Variants in MRTFB observed in about 807,000 individuals in gnomAD.
MRTFB encodes the protein myocardin related transcription factor B, also known as myocardin-related transcription factor B.
Under a neutral mutation model 104.2 loss-of-function variants are expected in MRTFB, and 29 were observed. The ratio of observed to expected loss-of-function variants is 0.28; its 90% CI spans 0.21 to 0.38. The LOEUF is 0.38. Ranked by LOEUF, MRTFB falls within the 10% of genes least tolerant of loss-of-function variation. The probability of loss-of-function intolerance (pLI) is 1.00; values close to 1 mark genes in which losing one functional copy is unlikely to be tolerated. For synonymous variants in MRTFB, 535 were observed against 519.5 expected, an observed-to-expected ratio of 1.03 and a Z score of -0.41; for missense variants, 1,270 against 1,341.6, an observed-to-expected ratio of 0.95 and a Z score of 0.83.
intron 8 of MRTFB, among the ~76,000 whole-genome samples, chr16:14,226,863 T>A (rs2042025429): frequency 6.6e-6 from 1 of 151,946 alleles, no homozygotes; most frequent in Admixed American, 6.6e-5. Flanking sequence ...GCACCTATAG[T>A]CCTAGCTACT....
the MRTFB span, among the ~76,000 whole-genome samples, chr16:14,023,810 G>A: frequency 6.6e-6 from 1 of 152,088 alleles, no homozygotes; most frequent in Non-Finnish European, 1.5e-5. Context: ...CAACACTTTG[G>A]GAGGCTGAGG....
At chr16:14,162,694 G>A (rs913365403) in intron 3 of MRTFB, among the ~76,000 whole-genome samples, 1 of 152,136 alleles carries the variant, frequency 6.6e-6, no homozygotes, top group African/African-American at 2.4e-5. Flanking sequence ...CTACTCTGTG[G>A]CGTTAGAAAT....
At chr16:14,153,001 C>A (rs1360449237) in intron 3 of MRTFB, 1 of 152,024 alleles carries the variant, frequency 6.6e-6, no homozygotes, top group Non-Finnish European at 1.5e-5. Flanking sequence ...TGCTTTCAAC[C>A]AAGCTTCACA....
the MRTFB span, among the ~76,000 whole-genome samples, chr16:14,058,238 A>T: frequency 6.6e-6 from 1 of 152,178 alleles, no homozygotes; most frequent in Non-Finnish European, 1.5e-5. Context: ...GAATTCCAAG[A>T]ACACTATCCG....
chr16:14,101,062 G>A (rs933735530), intron 2 of MRTFB, among the ~76,000 whole-genome samples: 1 of 146,280 alleles, frequency 6.8e-6, no homozygotes, highest in African/African-American at 2.5e-5. Flanking sequence ...TGATTTTTCT[G>A]CTCTTTTCTT....
chr16:14,064,396 T>A, the MRTFB span, among the ~76,000 whole-genome samples: 1 of 152,168 alleles, frequency 6.6e-6, no homozygotes, highest in Non-Finnish European at 1.5e-5. Context: ...AGTTTGCAAA[T>A]ATTTTCTCCC....
chr16:14,251,665 T>C (rs1341905983), intron 13 of MRTFB, among the ~76,000 whole-genome samples, 197 bp from the exon 14 acceptor site: 1 of 152,232 alleles, frequency 6.6e-6, no homozygotes, highest in Non-Finnish European at 1.5e-5. Context: ...CCATGTACTG[T>C]CTGTGGCTGC....
the MRTFB span, among the ~76,000 whole-genome samples, chr16:14,059,031 A>G: frequency 1.3e-5 from 2 of 151,968 alleles, no homozygotes; most frequent in African/African-American, 2.4e-5. Flanking sequence ...AAAGTAATAC[A>G]TATTTAATCC....
chr16:14,136,839 C>A (rs753105895), intron 2 of MRTFB, among the ~76,000 whole-genome samples: 1 of 151,702 alleles, frequency 6.6e-6, no homozygotes, highest in Non-Finnish European at 1.5e-5. Context: ...GAAGTTGTAT[C>A]CCAGGTTGAT....
At chr16:14,186,487 A>G (rs2039957144) in intron 3 of MRTFB, among the ~76,000 whole-genome samples, 1 of 152,236 alleles carries the variant, frequency 6.6e-6, no homozygotes, top group African/African-American at 2.4e-5. Flanking sequence ...CTTAGGTATC[A>G]GCAAAGTCTT....
At chr16:14,049,089 G>T in the MRTFB span, among the ~76,000 whole-genome samples, 2 of 152,180 alleles carry the variant, frequency 1.3e-5, no homozygotes, top group Non-Finnish European at 2.9e-5. Context: ...GAGAGCAGGG[G>T]ATACTACTGG....
chr16:14,228,915 G>T (rs1443230923), intron 8 of MRTFB, among the ~76,000 whole-genome samples: 2 of 152,114 alleles, frequency 1.3e-5, no homozygotes, highest in East Asian at 3.9e-4. Context: ...TGGGGGTGAG[G>T]GGAATGTGGA....
intron 6 of MRTFB, among the ~76,000 whole-genome samples, chr16:14,216,386 G>A (rs1299688461): frequency 6.6e-6 from 1 of 152,012 alleles, no homozygotes; most frequent in Non-Finnish European, 1.5e-5. Context: ...ACATTTTTTA[G>A]AACAATGGAA....
chr16:14,116,165 AT>A (rs796650282), intron 2 of MRTFB, among the ~76,000 whole-genome samples: 26 of 146,060 alleles, frequency 1.8e-4, no homozygotes, highest in Admixed American at 8.9e-4. Context: ...GCCACTCCTC[AT>A]TTTTTTTTTC....
chr16:14,258,302 G>T, intron 16 of MRTFB, 141 bp downstream of exon 16: 1 of 697,864 alleles, frequency 1.4e-6, no homozygotes, highest in South Asian at 2.0e-5. Flanking sequence ...TTTAAAATCT[G>T]TTAAATTTAG....
chr16:14,017,687 G>GTGTGTA, the MRTFB span, among the ~76,000 whole-genome samples: 14 of 6,814 alleles, frequency 2.1e-3, no homozygotes, highest in African/African-American at 3.1e-3. Context: ...GTGTGTGTGT[G>GTGTGTA]TATATATATA....
chr16:14,248,790 G>A, intron 12 of MRTFB, 136 bp from the exon 13 acceptor site: 1 of 811,362 alleles, frequency 1.2e-6, no homozygotes, highest in Non-Finnish European at 1.9e-6. Flanking sequence ...CTGTGCAGAT[G>A]AAGTGTGTAT....
chr16:14,041,614 C>T, the MRTFB span, among the ~76,000 whole-genome samples: 11 of 152,148 alleles, frequency 7.2e-5, no homozygotes, highest in African/African-American at 2.7e-4. Flanking sequence ...AATAATGCTG[C>T]TATGAACATG....
chr16:14,008,412 C>G, the MRTFB span, among the ~76,000 whole-genome samples: 3 of 152,126 alleles, frequency 2.0e-5, 1 homozygote, highest in African/African-American at 2.4e-5. Flanking sequence ...TCACTTCATT[C>G]TTTTGAATGT....
Sources: allele counts gnomAD v4.1 joint callset (sites outside exome capture counted in the v4.1 genomes callset), GRCh38; gene constraint gnomAD v4.1.1; transcripts MANE v1.5; gene names NCBI Gene and HGNC (gene_info 2026-07-23, HGNC 2026-07-21).